The following ANKK1 variants were observed in gnomAD, a reference collection of about 807,000 sequenced individuals.
ANKK1 encodes the protein ankyrin repeat and protein kinase domain-containing protein 1.
Under a neutral mutation model 37.6 loss-of-function variants are expected in ANKK1, and 37 were observed. The ratio of observed to expected loss-of-function variants is 0.98; its 90% CI spans 0.76 to 1.29. ANKK1 has a LOEUF of 1.29. Ranked by LOEUF, ANKK1 falls within the 50% of genes most tolerant of loss-of-function variation. ANKK1 has a pLI of 0.00. For missense variants in ANKK1, 1,019 were observed against 990.6 expected (o/e 1.03, Z -0.39); for synonymous variants, 415 against 418.7 (o/e 0.99, Z 0.11).
Position 113,387,927 on chromosome 11 carries a change from G to A in ANKK1, c.43G>A (p.Val15Ile). 4 of 1,569,756 alleles carry A rather than the reference G, an allele frequency of 2.5e-6. No homozygotes were observed. The highest frequency in any genetic ancestry group is 3.4e-6 in the Non-Finnish European group (4 of 1,163,876). Reference sequence around the variant, plus strand: ...CGAGCTGCGGCTGGGCAGCCTCCCCGTCTTCACCCGCGACGACTTCGAGGG... The same window carrying A: ...CGAGCTGCGGCTGGGCAGCCTCCCCATCTTCACCCGCGACGACTTCGAGGG... ...PTELRLGSLP[V>I]FTRDDFEGDW... is the part of the protein sequence containing the mutation. Residue 15 changes from valine to isoleucine, a missense_variant, in exon 1 of 8, where the codon GTC becomes ATC. Transcript: ENST00000303941.
intron 2 of ANKK1, 100 bp from the exon 3 acceptor site, chr11:113,394,829 A>ACCTG: frequency 6.7e-7 from 1 of 1,500,642 alleles, no homozygotes; most frequent in South Asian, 1.2e-5. Context: ...CCACTACTCT[A>ACCTG]CCCTGGAACA....
At chr11:113,397,171 C>T in intron 5 of ANKK1, 53 bp from the exon 6 acceptor site, 1 of 1,465,578 alleles carries the variant, frequency 6.8e-7, no homozygotes, top group Non-Finnish European at 9.4e-7. Flanking sequence ...AGGGAGGGTA[C>T]TGTGGGCCAG....
chr11:113,396,288 G>A (rs1167679645), intron 5 of ANKK1, 66 bp downstream of exon 5: 3 of 1,587,006 alleles, frequency 1.9e-6, no homozygotes, highest in Admixed American at 3.4e-5. Flanking sequence ...GAGATGACTG[G>A]GCACTCCTGG....
chr11:113,399,368 C>A lies in ANKK1; in HGVS notation c.1399C>A (p.Leu467Met). The change falls in exon 8 of 8, where the codon CTG becomes ATG. Residue 467 changes from leucine to methionine, a missense_variant. By Grantham distance (15) the Leu-to-Met change is conservative. Coordinates refer to ENST00000303941, the MANE Select transcript of ANKK1 (RefSeq NM_178510.2). ...ACGTGAAGGGTGGACCCCTCTTCAC[C>A]TGGCTGCACAGAATAACTTTGAGAA... Reference protein sequence around the residue: ...QEREGWTPLHLAAQNNFENVA... With the variant: ...QEREGWTPLHMAAQNNFENVA... The A allele has an allele frequency of 6.2e-7, 1 of 1,601,298 alleles. No homozygotes were observed.
rs369403733 is a variant in ANKK1, at chr11:113,400,146, G to A, written c.2177G>A (p.Cys726Tyr). Residue 726 changes from cysteine to tyrosine, a missense_variant, in exon 8 of 8, where the codon TGC (cysteine) becomes TAC (tyrosine). Coordinates refer to ENST00000303941, the MANE Select transcript of ANKK1 (RefSeq NM_178510.2). Reference sequence around the variant, plus strand: ...CTGGACGTCCAGGATGGAGTGAGCTGCACACCCCTGCAACTGGCCCTCCGC... The same window carrying A: ...CTGGACGTCCAGGATGGAGTGAGCTACACACCCCTGCAACTGGCCCTCCGC... The part of the protein sequence containing the change: ...AQLDVQDGVS[C>Y]TPLQLALRSR... 3.1e-6 allele frequency: 5 copies of A among 1,604,336 alleles called. 1 individual carries two copies. The highest frequency in any genetic ancestry group is 3.3e-4 in the Middle Eastern group (2 of 6,014).
At chr11:113,395,507 G>A (rs1440623128) in intron 4 of ANKK1, 99 bp downstream of exon 4, 4 of 1,319,566 alleles carry the variant, frequency 3.0e-6, no homozygotes, top group Non-Finnish European at 4.3e-6. Context: ...GGGGGGTCAA[G>A]TTGCAGGTTT....
At position 113,388,788 on chromosome 11, in the gene ANKK1, C is replaced by A. The variant is rs142312937; in HGVS notation, c.185+719C>A. On this transcript the variant is annotated intron_variant, in intron 1 of 7. Coordinates refer to ENST00000303941, the MANE Select transcript of ANKK1 (RefSeq NM_178510.2). ...CTCTGTCTTCCCACTGATTTGGAAT[C>A]CAGTCTCATTCCCACTGGAGTTGCA... 2.2e-4 allele frequency among the ~76,000 whole-genome samples: 33 copies of A among 152,376 alleles called. No individual in the cohort carries two copies. The East Asian group carries it at 6.2e-3, about 28-fold the overall frequency.
intron 1 of ANKK1, among the ~76,000 whole-genome samples, chr11:113,388,757 A>G (rs1454254076): frequency 6.6e-6 from 1 of 152,066 alleles, no homozygotes; most frequent in Admixed American, 6.5e-5. Context: ...CTACGTTTCC[A>G]TTATTCTCTG....
intron 1 of ANKK1, among the ~76,000 whole-genome samples, chr11:113,388,953 A>G (rs890110569): frequency 4.6e-5 from 7 of 152,130 alleles, no homozygotes; most frequent in Admixed American, 1.3e-4. Flanking sequence ...TCTGACTGGC[A>G]TCTGGCTTGG....
chr11:113,392,459 T>C (rs1591259153), intron 1 of ANKK1, among the ~76,000 whole-genome samples: 1 of 152,334 alleles, frequency 6.6e-6, no homozygotes, highest in East Asian at 1.9e-4. Flanking sequence ...TTCCTGAAGG[T>C]TGGGGCTCTC....
At chr11:113,394,854 G>A (rs1231084297) in intron 2 of ANKK1, 75 bp from the exon 3 acceptor site, 10 of 1,567,506 alleles carry the variant, frequency 6.4e-6, no homozygotes, top group Admixed American at 5.3e-5. Context: ...GATAGCAGGA[G>A]GGGTGAGAAG....
rs1950667671 is a variant in ANKK1, at chr11:113,399,231, C to T, written c.1262C>T (p.Ala421Val). 3.7e-6 allele frequency: 6 copies of T among 1,607,034 alleles called. No homozygotes were observed. In the South Asian group the frequency reaches 6.7e-5, roughly 18 times the overall value. ...CTGCTTTTGGCACATGGTGCTGATG[C>T]CAACCGAGTGGATGAGGATGGCTGG... ...CALLLAHGAD[A>V]NRVDEDGWAP... Residue 421 changes from alanine to valine, a missense_variant, in exon 8 of 8, where the codon GCC (alanine) becomes GTC (valine). Coordinates refer to ENST00000303941, the MANE Select transcript of ANKK1 (RefSeq NM_178510.2).
chr11:113,399,531 A>G lies in ANKK1; in HGVS notation c.1562A>G (p.Asp521Gly). The change falls in exon 8 of 8, where the codon GAT becomes GGT. Residue 521 changes from aspartate to glycine, a missense_variant. Coordinates refer to ENST00000303941, the MANE Select transcript of ANKK1 (RefSeq NM_178510.2). Reference sequence around the variant, plus strand: ...CTGACCAGCCAGGGGGCTGAGTTGGATGCTCAGCAGAGAAACCTGAGAACA... The same window carrying G: ...CTGACCAGCCAGGGGGCTGAGTTGGGTGCTCAGCAGAGAAACCTGAGAACA... ...KLLTSQGAEL[D>G]AQQRNLRTPL... is the part of the protein sequence containing the mutation. The G allele has an allele frequency of 6.3e-7, 1 of 1,597,102 alleles. No individual in the cohort carries two copies. Among genetic ancestry groups the G allele is most frequent in the Non-Finnish European group, 8.5e-7 (1 of 1,172,128 alleles).
At chr11:113,398,112 T>A (rs1950654401) in intron 7 of ANKK1, 96 bp downstream of exon 7, 3 of 1,396,034 alleles carry the variant, frequency 2.1e-6, no homozygotes, top group Non-Finnish European at 3.0e-6. Context: ...CTCCCCCTCA[T>A]CCCCAGGCCT....
chr11:113,400,216 G>T lies in ANKK1; in HGVS notation c.2247G>T (p.Pro749=). Residue 749 remains proline, a synonymous_variant, in exon 8 of 8, where the codon CCG becomes CCT. Coordinates refer to ENST00000303941, the MANE Select transcript of ANKK1 (RefSeq NM_178510.2). ...TGTCCTTCCTAGAGGGCAAGGAGCC[G>T]TCAGTGGCCACTCTGGGTGGTTCTA... is the stretch of plus-strand genomic sequence containing the variant. ...GIMSFLEGKE[P]SVATLGGSKP... The T allele has an allele frequency of 6.4e-7, 1 of 1,552,796 alleles. No homozygotes were observed. Among genetic ancestry groups the T allele is most frequent in the Non-Finnish European group, 8.7e-7 (1 of 1,148,594 alleles).
intron 4 of ANKK1, among the ~76,000 whole-genome samples, chr11:113,395,865 A>G (rs111327013): frequency 9.2e-4 from 140 of 152,336 alleles, no homozygotes; most frequent in African/African-American, 3.0e-3. Flanking sequence ...CCTGGGAGGC[A>G]GCTGGAGCCA....
chr11:113,393,331 T>C (rs1313316007), intron 1 of ANKK1, 150 bp from the exon 2 acceptor site: 1 of 766,682 alleles, frequency 1.3e-6, no homozygotes. Context: ...TATTGCTTCA[T>C]GTCTCTCTTT....
chr11:113,394,969 C>G lies in ANKK1; in HGVS notation c.521C>G (p.Thr174Ser). Residue 174 changes from threonine to serine, a missense_variant, in exon 3 of 8, where the codon ACC becomes AGC. By Grantham distance (58) the Thr-to-Ser change is moderately conservative (BLOSUM62 1). Transcript: ENST00000303941. ...FGLSKWMEQS[T>S]RMQYIERSAL... ...CTGTCCAAGTGGATGGAACAGTCCA[C>G]CCGGATGCAGTACATCGAGAGGTCG... 2.5e-6 allele frequency: 4 copies of G among 1,613,546 alleles called. No individual in the cohort carries two copies. Among genetic ancestry groups the G allele is most frequent in the Non-Finnish European group, 3.4e-6 (4 of 1,179,680 alleles).
chr11:113,387,934 C>T lies in ANKK1; in HGVS notation c.50C>T (p.Thr17Ile). 6.4e-7 allele frequency: 1 copy of T among 1,572,338 alleles called. No homozygotes were observed. ...CGGCTGGGCAGCCTCCCCGTCTTCA[C>T]CCGCGACGACTTCGAGGGCGACTGG... ...ELRLGSLPVF[T>I]RDDFEGDWRL... The change falls in exon 1 of 8, where the codon ACC becomes ATC. Residue 17 changes from threonine to isoleucine, a missense_variant. Transcript: ENST00000303941.
Sources: gnomAD v4.1 joint callset for allele counts (sites outside exome capture counted in the v4.1 genomes callset) on GRCh38, gnomAD v4.1.1 for gene constraint, MANE v1.5 for transcripts, NCBI Gene and HGNC (gene_info 2026-07-23, HGNC 2026-07-21) for gene names.